The following SPTBN1 variants were observed in gnomAD, a reference collection of about 807,000 sequenced individuals.
SPTBN1 encodes spectrin beta, non-erythrocytic 1.
A neutral mutation model predicts 266.4 loss-of-function variants in SPTBN1; 32 were observed. That is an observed-to-expected ratio of 0.12 (90% CI 0.09 to 0.16). The LOEUF is 0.16. Among genes scored for constraint, SPTBN1 ranks in the 10% least tolerant of loss-of-function variants. The pLI is 1.00. For missense variants in SPTBN1, 2,296 were observed against 3,067.1 expected, an observed-to-expected ratio of 0.75 and a Z score of 5.94; for synonymous variants, 1,336 against 1,162.2, an observed-to-expected ratio of 1.15 and a Z score of -3.04.
chr2:54,641,541 G>T (rs1375778491), intron 18 of SPTBN1, among the ~76,000 whole-genome samples: 1 of 152,204 alleles, frequency 6.6e-6, no homozygotes, highest in African/African-American at 2.4e-5. Flanking sequence ...CAAGTAGGAA[G>T]TGCGTGCCTT....
chr2:54,555,162 C>G (rs1297893748), intron 2 of SPTBN1, among the ~76,000 whole-genome samples: 2 of 152,212 alleles, frequency 1.3e-5, no homozygotes, highest in African/African-American at 2.4e-5. Flanking sequence ...CTCCCAAACC[C>G]AGGCCTTCCC....
intron 2 of SPTBN1, among the ~76,000 whole-genome samples, chr2:54,581,095 C>G (rs1674865058): frequency 6.7e-6 from 1 of 150,366 alleles, no homozygotes; most frequent in Non-Finnish European, 1.5e-5. Flanking sequence ...AAGACTTAGT[C>G]TTAAAAAAAA....
chr2:54,551,551 GCTTGTTTCCAGTGTAA>G, intron 2 of SPTBN1, among the ~76,000 whole-genome samples: 1 of 152,354 alleles, frequency 6.6e-6, no homozygotes, highest in East Asian at 1.9e-4. Flanking sequence ...GACCTTGGGT[GCTTGTTTCCAGTGTAA>G]CTTGCCGTTT....
chr2:54,563,642 C>T (rs1420492048), intron 2 of SPTBN1, among the ~76,000 whole-genome samples: 30 of 119,598 alleles, frequency 2.5e-4, no homozygotes, highest in African/African-American at 8.1e-4. Context: ...CTCACCCTGT[C>T]GCTCAGGCTG....
At chr2:54,660,199 G>T in intron 32 of SPTBN1, 200 bp downstream of exon 32, 2 of 1,450,328 alleles carry the variant, frequency 1.4e-6, no homozygotes, top group Admixed American at 2.6e-5. Context: ...AGCCTTCCTT[G>T]GTTTCATATT....
intron 1 of SPTBN1, among the ~76,000 whole-genome samples, chr2:54,457,057 G>C (rs1011463387): frequency 2.4e-4 from 36 of 151,588 alleles, no homozygotes; most frequent in African/African-American, 8.7e-4. Context: ...GCGGCCAGGC[G>C]TGGTCCCGGC....
intron 1 of SPTBN1, among the ~76,000 whole-genome samples, chr2:54,483,426 G>A (rs1470718250): frequency 1.3e-5 from 2 of 152,206 alleles, no homozygotes; most frequent in Non-Finnish European, 2.9e-5. Flanking sequence ...AAAGGATGCG[G>A]ATTTTCTACC....
In SPTBN1 at chr2:54,637,600, A is replaced by G. The variant is rs1014368677; in HGVS notation, c.3768-113A>G. ...CTCCTTCACATTATTGAGAACTGCA[A>G]GCAAACTCTTTTTAGCATAGTTAGG... is the stretch of plus-strand genomic sequence containing the variant. On this transcript the variant is annotated intron_variant, in intron 17 of 35. Coordinates refer to ENST00000356805, the MANE Select transcript of SPTBN1 (RefSeq NM_003128.3). 63 of 838,364 alleles carry G rather than the reference A, an allele frequency of 7.5e-5. No homozygotes were observed. The Middle Eastern group carries it at 3.1e-3, about 41-fold the overall frequency. The allele number at this position is 838,364 out of a possible 1,614,324, so 51.9% of individuals were successfully genotyped here.
chr2:54,462,904 A>G (rs1448220951), intron 1 of SPTBN1, among the ~76,000 whole-genome samples: 1 of 152,248 alleles, frequency 6.6e-6, no homozygotes, highest in Non-Finnish European at 1.5e-5. Flanking sequence ...AGTCTCAGTC[A>G]TATTCTCGAC....
chr2:54,653,930 G>C lies in SPTBN1; in HGVS notation c.5822+77G>C. On this transcript the variant is annotated intron_variant, in intron 27 of 35. Coordinates refer to ENST00000356805, the MANE Select transcript of SPTBN1 (RefSeq NM_003128.3). This position sits in a 1 kb window ranked among gnomAD's most constrained non-coding sequence, Gnocchi z 5.1. The stretch of plus-strand genomic sequence containing the variant: ...ACAGGAGTCTTCCAGAGAGAAGCAG[G>C]AGCCTTGAAAGCGTTCCTGCCTGAG... 1 of 1,566,440 alleles carries C rather than the reference G, an allele frequency of 6.4e-7. No homozygotes were observed.
At chr2:54,633,370 C>G (rs1018935304) in intron 17 of SPTBN1, among the ~76,000 whole-genome samples, 20 of 152,254 alleles carry the variant, frequency 1.3e-4, no homozygotes, top group Middle Eastern at 6.8e-3. Context: ...ATTGGATACA[C>G]TTTCTTCATT....
intron 26 of SPTBN1, among the ~76,000 whole-genome samples, chr2:54,650,495 C>G (rs892035063): frequency 6.6e-6 from 1 of 152,178 alleles, no homozygotes; most frequent in East Asian, 1.9e-4. Context: ...TAATCACTCT[C>G]TAGTTTCCTT....
chr2:54,660,250 A>T (rs1431397391), intron 32 of SPTBN1: 5 of 1,362,402 alleles, frequency 3.7e-6, no homozygotes, highest in Non-Finnish European at 4.7e-6. Flanking sequence ...TAACTGATGG[A>T]TGCCCACTTG....
chr2:54,467,135 A>G (rs1259901091), intron 1 of SPTBN1, among the ~76,000 whole-genome samples: 2 of 149,612 alleles, frequency 1.3e-5, no homozygotes, highest in Admixed American at 1.3e-4. Flanking sequence ...ATTTTGTTCT[A>G]GTGTGTTTGC....
intron 3 of SPTBN1, among the ~76,000 whole-genome samples, chr2:54,611,236 A>G (rs1677191506): frequency 2.0e-5 from 3 of 152,200 alleles, no homozygotes; most frequent in Admixed American, 2.0e-4. Flanking sequence ...TAGGCCATTC[A>G]TCTGAATCTT....
chr2:54,646,325 G>C lies in SPTBN1; in HGVS notation c.4716G>C (p.Gln1572His). Reference protein sequence around the residue: ...AIRQRLADLKQLWGLLIEETE... With the variant: ...AIRQRLADLKHLWGLLIEETE... ...GACAGAGGCTTGCCGACCTGAAGCA[G>C]CTGTGGGGTCTCCTCATTGAGGAGA... The change falls in exon 23 of 36, where the codon CAG becomes CAC. Residue 1572 changes from glutamine to histidine, a missense_variant. Coordinates refer to ENST00000356805, the MANE Select transcript of SPTBN1 (RefSeq NM_003128.3). This position sits in a 1 kb window ranked among gnomAD's most constrained non-coding sequence, Gnocchi z 4.4. 6.2e-7 allele frequency: 1 copy of C among 1,614,220 alleles called. No homozygotes were observed. The highest frequency in any genetic ancestry group is 8.5e-7 in the Non-Finnish European group (1 of 1,180,038).
chr2:54,516,121 T>A (rs562059087), intron 1 of SPTBN1: 2 of 152,240 alleles, frequency 1.3e-5, no homozygotes, highest in African/African-American at 2.4e-5. Context: ...AAAGGGTTCT[T>A]GCCTTAGAGG....
intron 1 of SPTBN1, among the ~76,000 whole-genome samples, chr2:54,490,232 C>CT (rs1412378755): frequency 2.6e-5 from 4 of 152,010 alleles, no homozygotes; most frequent in Non-Finnish European, 5.9e-5. Flanking sequence ...CCACCATGCC[C>CT]TGCTAACTTT....
In SPTBN1 at chr2:54,649,127, G is replaced by C. The variant is rs756427713; in HGVS notation, c.5139G>C (p.Trp1713Cys). 2 of 1,613,338 alleles carry C rather than the reference G, an allele frequency of 1.2e-6. No homozygotes were observed. The highest frequency in any genetic ancestry group is 2.7e-5 in the African/African-American group (2 of 74,916). Residue 1713 changes from tryptophan (W) to cysteine (C), a missense_variant, in exon 25 of 36, where the codon TGG (tryptophan) becomes TGC (cysteine). Physicochemically the swap from Trp to Cys is radical, Grantham distance 215. This residue lies in a region of SPTBN1 where 644 missense variants were observed against 745.3 expected (regional missense o/e 0.86). Coordinates refer to ENST00000356805, the MANE Select transcript of SPTBN1 (RefSeq NM_003128.3). The surrounding 1 kb of genome is among the most constrained non-coding windows in gnomAD (Gnocchi z 6.7). ...LNREVDDLEQ[W>C]IAEREVVAGS... is the part of the protein sequence containing the mutation. ...GGGAGGTGGACGACCTGGAGCAGTG[G>C]ATCGCTGAGAGGGAGGTGGTCGCAG...
Sources: gnomAD v4.1 joint callset for allele counts (sites outside exome capture counted in the v4.1 genomes callset) on GRCh38, gnomAD v4.1.1 for gene constraint, gnomAD v4.1.1 regional missense constraint, Gnocchi (gnomAD v3.1) non-coding constraint, MANE v1.5 for transcripts, NCBI Gene and HGNC (gene_info 2026-07-23, HGNC 2026-07-21) for gene names.